The following KLHL8 variants were observed in gnomAD, a reference collection of about 807,000 sequenced individuals.
KLHL8 encodes kelch like family member 8.
KLHL8 carries 38 observed loss-of-function variants against 63.5 expected under a neutral mutation model. The observed-to-expected ratio is 0.60, with a 90% CI of 0.46 to 0.78. The LOEUF (loss-of-function observed/expected upper bound fraction) is 0.78. Ranked by LOEUF, KLHL8 falls within the 30% of genes least tolerant of loss-of-function variation. KLHL8 has a pLI of 0.00. For synonymous variants in KLHL8, 224 were observed against 254.3 expected, an observed-to-expected ratio of 0.88 and a Z score of 1.13; for missense variants, 566 against 752.4, an observed-to-expected ratio of 0.75 and a Z score of 2.90.
intron 1 of KLHL8, among the ~76,000 whole-genome samples, chr4:87,226,011 A>G (rs1479597158): frequency 6.6e-6 from 1 of 152,212 alleles, no homozygotes; most frequent in Non-Finnish European, 1.5e-5. Flanking sequence ...AATATGAGAA[A>G]TGACAGAATG....
chr4:87,207,100 G>T, intron 1 of KLHL8: 1 of 506,226 alleles, frequency 2.0e-6, no homozygotes, highest in South Asian at 1.7e-5. Context: ...TGAAGGTGAT[G>T]GCCGGAGTCA....
intron 4 of KLHL8, among the ~76,000 whole-genome samples, chr4:87,181,806 T>C (rs377057739): frequency 3.3e-5 from 5 of 152,306 alleles, no homozygotes; most frequent in East Asian, 1.9e-4. Context: ...TTTATATGAC[T>C]GTCTAGTATA....
At position 87,207,595 on chromosome 4, in the gene KLHL8, G is replaced by A. The variant is rs572551766; in HGVS notation, c.-151-11905C>T. On this transcript the variant is annotated intron_variant, in intron 1 of 9. Coordinates refer to ENST00000273963, the MANE Select transcript of KLHL8 (RefSeq NM_020803.5). ...TGTCATCCATGACAACTTTGGTATC[G>A]TGGAAGGACTCATGACTACAGTCCA... 155 of 1,211,722 alleles carry A rather than the reference G, an allele frequency of 1.3e-4. No individual in the cohort carries two copies. The African/African-American group carries it at 1.9e-3, about 15-fold the overall frequency. 75.1% of individuals were successfully genotyped at this position (1,211,722 alleles called of 1,614,324 possible).
chr4:87,168,181 G>A (rs1327386040), intron 8 of KLHL8, among the ~76,000 whole-genome samples: 2 of 152,126 alleles, frequency 1.3e-5, no homozygotes, highest in African/African-American at 4.8e-5. Context: ...TTTTTGTGTA[G>A]AAAGGCCCCC....
At chr4:87,169,698 C>CA (rs752173932) in intron 8 of KLHL8, among the ~76,000 whole-genome samples, 7 of 151,878 alleles carry the variant, frequency 4.6e-5, no homozygotes, top group Non-Finnish European at 7.4e-5. Flanking sequence ...CCCATCTCTA[C>CA]AAAAAACAGA....
chr4:87,215,791 C>T (rs1732572841), intron 1 of KLHL8, among the ~76,000 whole-genome samples: 1 of 152,156 alleles, frequency 6.6e-6, no homozygotes, highest in African/African-American at 2.4e-5. Context: ...ATGAAAATCA[C>T]AAATTATAAT....
At chr4:87,226,893 A>G (rs1417256270) in intron 1 of KLHL8, among the ~76,000 whole-genome samples, 1 of 42,532 alleles carries the variant, frequency 2.4e-5, no homozygotes. Flanking sequence ...TATATTATAT[A>G]TAAATAATAT....
At chr4:87,210,987 T>G (rs531021842) in intron 1 of KLHL8, among the ~76,000 whole-genome samples, 8 of 152,212 alleles carry the variant, frequency 5.3e-5, no homozygotes, top group Non-Finnish European at 1.0e-4. Flanking sequence ...TACTTAATAC[T>G]TATAAGTGCC....
At chr4:87,168,511 G>C (rs74656058) in intron 8 of KLHL8, among the ~76,000 whole-genome samples, 24,191 of 151,872 alleles carry the variant, frequency 0.16, 2,276 homozygotes, top group South Asian at 0.24. Context: ...TCTTTAATGG[G>C]GGGAGGTGAT....
chr4:87,180,752 C>T (rs142919712), intron 4 of KLHL8, among the ~76,000 whole-genome samples: 2 of 152,152 alleles, frequency 1.3e-5, no homozygotes, highest in South Asian at 2.1e-4. Flanking sequence ...AATTTAAAGT[C>T]GGAAGAGCAG....
At chr4:87,169,751 C>T (rs1714861590) in intron 8 of KLHL8, among the ~76,000 whole-genome samples, 1 of 151,908 alleles carries the variant, frequency 6.6e-6, no homozygotes, top group Admixed American at 6.6e-5. Context: ...CTAGTCCTAG[C>T]TACTTGAGAG....
intron 8 of KLHL8, among the ~76,000 whole-genome samples, chr4:87,165,089 G>C (rs1009514309): frequency 6.9e-6 from 1 of 144,962 alleles, no homozygotes; most frequent in Non-Finnish European, 1.5e-5. Context: ...GCGGACGCTT[G>C]CAGTGAGCCG....
chr4:87,178,436 G>C lies in KLHL8; in HGVS notation c.1096+41C>G, dbSNP rs763394532. Reference sequence around the variant, plus strand: ...TCAGAGTTGAAATATTTTAAAAAGAGCATTGTGATCATATGATATTTCAGA... The same window carrying C: ...TCAGAGTTGAAATATTTTAAAAAGACCATTGTGATCATATGATATTTCAGA... On this transcript the variant is annotated intron_variant, in intron 5 of 9. Coordinates refer to ENST00000273963, the MANE Select transcript of KLHL8 (RefSeq NM_020803.5). 3 of 1,539,052 alleles carry C rather than the reference G, an allele frequency of 1.9e-6. No homozygotes were observed. In the South Asian group the frequency reaches 3.8e-5, roughly 20 times the overall value.
At chr4:87,229,438 T>TG (rs34242868) in intron 1 of KLHL8, among the ~76,000 whole-genome samples, 1,666 of 132,704 alleles carry the variant, frequency 0.013, 13 homozygotes, top group Non-Finnish European at 0.017. Context: ...TTTTTTTTGG[T>TG]GGGGGGGGGT....
intron 1 of KLHL8, among the ~76,000 whole-genome samples, chr4:87,210,597 A>G (rs1020198625): frequency 6.6e-6 from 1 of 152,232 alleles, no homozygotes; most frequent in African/African-American, 2.4e-5. Context: ...GCTACCCCTG[A>G]AAGTTGATGG....
chr4:87,187,559 A>C (rs899223336), intron 2 of KLHL8, among the ~76,000 whole-genome samples: 15 of 151,932 alleles, frequency 9.9e-5, no homozygotes, highest in Non-Finnish European at 2.1e-4. Context: ...GTTTGCTTTC[A>C]AATTTTATTC....
intron 2 of KLHL8, among the ~76,000 whole-genome samples, chr4:87,187,941 C>G (rs1731331531): frequency 6.6e-6 from 1 of 152,120 alleles, no homozygotes. Flanking sequence ...ATGACAACTC[C>G]TAGAGTGTTC....
chr4:87,203,114 A>G (rs779081659), intron 1 of KLHL8, among the ~76,000 whole-genome samples: 5 of 152,370 alleles, frequency 3.3e-5, no homozygotes, highest in Middle Eastern at 3.4e-3. Context: ...CTCCAGTGCA[A>G]TAAAGCAAGA....
intron 4 of KLHL8, 53 bp downstream of exon 4, chr4:87,183,150 C>T: frequency 2.2e-6 from 3 of 1,353,978 alleles, no homozygotes; most frequent in Non-Finnish European, 3.0e-6. Context: ...CATGAACAAC[C>T]CTCAAATACA....
Sources: gnomAD v4.1 joint callset for allele counts (sites outside exome capture counted in the v4.1 genomes callset) on GRCh38, gnomAD v4.1.1 for gene constraint, MANE v1.5 for transcripts, NCBI Gene and HGNC (gene_info 2026-07-23, HGNC 2026-07-21) for gene names.